TIAM1: variants seen among roughly 807,000 people sequenced by gnomAD.
TIAM1 encodes the protein TIAM Rac1 associated GEF 1, also known as rho guanine nucleotide exchange factor TIAM1.
A neutral mutation model predicts 163.5 loss-of-function variants in TIAM1; 65 were observed. That is an observed-to-expected ratio of 0.40 (90% CI 0.33 to 0.49). The LOEUF is 0.49. Among genes scored for constraint, TIAM1 ranks in the 20% least tolerant of loss-of-function variants. TIAM1 has a pLI of 0.77. For missense variants in TIAM1, 1,789 were observed against 2,044.7 expected (o/e 0.87, Z 2.41); for synonymous variants, 833 against 810.1 (o/e 1.03, Z -0.48).
chr21:31,267,578 G>C (rs1052860917), intron 3 of TIAM1, among the ~76,000 whole-genome samples: 1 of 146,266 alleles, frequency 6.8e-6, no homozygotes, highest in African/African-American at 2.5e-5. Context: ...ATCAAAAATG[G>C]AAAACCTCAA....
At chr21:31,265,563 T>A (rs2146811757) in intron 4 of TIAM1, among the ~76,000 whole-genome samples, 2 of 149,596 alleles carry the variant, frequency 1.3e-5, no homozygotes, top group Admixed American at 1.4e-4. Context: ...GCCCAGAATT[T>A]AAAATGCCTC....
intron 1 of TIAM1, among the ~76,000 whole-genome samples, chr21:31,492,938 T>A (rs2046521182): frequency 6.6e-6 from 1 of 152,078 alleles, no homozygotes; most frequent in African/African-American, 2.4e-5. Context: ...TTTTAAGGTG[T>A]GTTTTAATGA....
intron 6 of TIAM1, among the ~76,000 whole-genome samples, chr21:31,229,681 T>C (rs1249130158): frequency 6.6e-6 from 1 of 151,922 alleles, no homozygotes; most frequent in Non-Finnish European, 1.5e-5. Flanking sequence ...ATGGAATCTT[T>C]CTCTGTTGCC....
intron 16 of TIAM1, among the ~76,000 whole-genome samples, chr21:31,158,418 A>G (rs530594039): frequency 7.9e-5 from 12 of 152,280 alleles, no homozygotes; most frequent in Non-Finnish European, 5.9e-5. Context: ...CAGTTTCCCC[A>G]CCGGCAACCC....
intron 11 of TIAM1, among the ~76,000 whole-genome samples, chr21:31,204,048 G>T (rs1329211282): frequency 6.6e-6 from 1 of 152,116 alleles, no homozygotes; most frequent in Non-Finnish European, 1.5e-5. Flanking sequence ...TAATTTTGAG[G>T]AATAAGTAAT....
intron 1 of TIAM1, among the ~76,000 whole-genome samples, chr21:31,540,236 T>C (rs2048277832): frequency 6.7e-6 from 1 of 150,356 alleles, no homozygotes; most frequent in Non-Finnish European, 1.5e-5. Context: ...AAATACAAAA[T>C]TAGCTGGGTG....
intron 1 of TIAM1, among the ~76,000 whole-genome samples, chr21:31,538,155 T>C (rs565876301): frequency 2.6e-5 from 4 of 152,372 alleles, no homozygotes; most frequent in African/African-American, 4.8e-5. Flanking sequence ...TACATGGTTT[T>C]ATCCCATTTG....
intron 16 of TIAM1, among the ~76,000 whole-genome samples, chr21:31,162,818 A>T (rs762741580): frequency 2.6e-5 from 4 of 152,058 alleles, no homozygotes; most frequent in Admixed American, 2.6e-4. Context: ...TAGAAAGCCC[A>T]CTAAGAATTT....
rs77740924 is a variant in TIAM1 at position 31,199,426 on chromosome 21, C to T, written c.2493+3482G>A. 8.5e-3 allele frequency among the ~76,000 whole-genome samples: 1,286 copies of T among 152,078 alleles called. 24 individuals are homozygous for T. Among genetic ancestry groups the T allele is most frequent in the African/African-American group, 0.029 (1,215 of 41,466 alleles). Reference sequence around the variant, plus strand: ...CCACCATCTCCTGCATCCCCTCTTTCGTGCCCTCTCCGCCAATCCTCCTCA... The same window carrying T: ...CCACCATCTCCTGCATCCCCTCTTTTGTGCCCTCTCCGCCAATCCTCCTCA... On this transcript the variant is annotated intron_variant, in intron 12 of 27. Transcript: ENST00000541036.
At chr21:31,414,705 T>C (rs1012668913) in intron 2 of TIAM1, among the ~76,000 whole-genome samples, 6 of 152,080 alleles carry the variant, frequency 3.9e-5, no homozygotes, top group South Asian at 2.1e-4. Context: ...ACCCGAACCA[T>C]AGAAAAAAGA....
intron 2 of TIAM1, among the ~76,000 whole-genome samples, chr21:31,446,828 A>G (rs2044643279): frequency 6.6e-6 from 1 of 152,220 alleles, no homozygotes. Context: ...AGCACAGAAA[A>G]GTTGCAAATC....
rs368399404 is a variant in TIAM1, at chr21:31,171,999, A to G, written c.2888-6934T>C. ...CCAGGGAAGGTTAGCAGAACAACCA[A>G]CCAGCTGAGTCTGGCCCAAACTGCT... On this transcript the variant is annotated intron_variant, in intron 15 of 27. Transcript: ENST00000541036. Among the ~76,000 whole-genome samples, 7 of 152,194 alleles carry G rather than the reference A, an allele frequency of 4.6e-5. No homozygotes were observed. In the East Asian group the frequency reaches 1.2e-3, roughly 25 times the overall value.
chr21:31,402,314 C>T (rs1232696356), intron 2 of TIAM1, among the ~76,000 whole-genome samples: 1 of 152,062 alleles, frequency 6.6e-6, no homozygotes, highest in Non-Finnish European at 1.5e-5. Flanking sequence ...CAACATTGCA[C>T]CAAATCAAAG....
chr21:31,307,473 G>T (rs2074758801), intron 2 of TIAM1, among the ~76,000 whole-genome samples: 1 of 152,262 alleles, frequency 6.6e-6, no homozygotes, highest in South Asian at 2.1e-4. Flanking sequence ...TCCTTGTCAG[G>T]TCTTCTGCTT....
At chr21:31,233,111 T>C (rs889364328) in intron 6 of TIAM1, among the ~76,000 whole-genome samples, 1 of 152,130 alleles carries the variant, frequency 6.6e-6, no homozygotes, top group Non-Finnish European at 1.5e-5. Context: ...TAATCAATGG[T>C]TTACGTAAGT....
Position 31,245,499 on chromosome 21 carries a change from A to G in TIAM1, c.1573T>C (p.Phe525Leu). 6.6e-7 allele frequency: 1 copy of G among 1,506,788 alleles called. No individual in the cohort carries two copies. The highest frequency in any genetic ancestry group is 8.9e-7 in the Non-Finnish European group (1 of 1,120,836). The allele number at this position is 1,506,788 out of a possible 1,614,324, so 93.3% of individuals were successfully genotyped here. A position where few individuals can be genotyped will look rare whatever the true frequency, so the allele number is the denominator to read the frequency against. ...FCLSNSLGDA[F>L]LFQTTSQTEL... is the part of the protein sequence containing the mutation. ...AGTGCCCAACAAACCTGAAAAAGGAAGGCATCACCCAGGGAATTGCTGAGG... is the reference window on the plus strand; with the variant it reads ...AGTGCCCAACAAACCTGAAAAAGGAGGGCATCACCCAGGGAATTGCTGAGG... The change falls in exon 6 of 28, where the codon TTC becomes CTC. Residue 525 changes from phenylalanine (F) to leucine (L), a missense_variant. This residue lies in a region of TIAM1 where 456 missense variants were observed against 586.6 expected (regional missense o/e 0.78). Coordinates refer to ENST00000541036, the MANE Select transcript of TIAM1 (RefSeq NM_001353694.2).
At chr21:31,350,324 G>C (rs1316499591) in intron 2 of TIAM1, among the ~76,000 whole-genome samples, 1 of 152,108 alleles carries the variant, frequency 6.6e-6, no homozygotes, top group East Asian at 1.9e-4. Context: ...TTTATACTAA[G>C]ATACAGTAAC....
intron 11 of TIAM1, among the ~76,000 whole-genome samples, chr21:31,208,137 T>C (rs1190435046): frequency 2.0e-5 from 3 of 152,214 alleles, no homozygotes; most frequent in African/African-American, 7.2e-5. Context: ...AATACTATTC[T>C]TCATTCCCCT....
chr21:31,222,703 ATATATTTTTTTTTTTTTTTTT>A (rs1380581553), intron 8 of TIAM1, among the ~76,000 whole-genome samples: 28 of 43,280 alleles, frequency 6.5e-4, no homozygotes, highest in African/African-American at 3.2e-3. Flanking sequence ...ATATATATAT[ATATATTTTTTTTTTTTTTTTT>A]TTTTTTTTTT....
Sources: gnomAD v4.1 joint callset for allele counts (sites outside exome capture counted in the v4.1 genomes callset) on GRCh38, gnomAD v4.1.1 for gene constraint, gnomAD v4.1.1 regional missense constraint, MANE v1.5 for transcripts, NCBI Gene and HGNC (gene_info 2026-07-23, HGNC 2026-07-21) for gene names.